The following KCNIP1 variants were observed in gnomAD, a reference collection of about 807,000 sequenced individuals.
KCNIP1 encodes potassium voltage-gated channel interacting protein 1.
A neutral mutation model predicts 33.0 loss-of-function variants in KCNIP1; 18 were observed. That is an observed-to-expected ratio of 0.55 (90% CI 0.38 to 0.81). KCNIP1 has a LOEUF of 0.81. KCNIP1 is among the 30% of genes least tolerant of loss of function. KCNIP1 has a pLI of 0.00. For synonymous variants in KCNIP1, 93 were observed against 98.3 expected (o/e 0.95, Z 0.32); for missense variants, 238 against 271.6 (o/e 0.88, Z 0.87).
chr5:170,481,303 G>T (rs1199539641), intron 1 of KCNIP1, among the ~76,000 whole-genome samples: 5 of 152,154 alleles, frequency 3.3e-5, no homozygotes, highest in Non-Finnish European at 7.3e-5. Flanking sequence ...CTTCCAAAGA[G>T]CCCCTGTTTC....
chr5:170,709,444 G>A (rs1763371056), intron 1 of KCNIP1, among the ~76,000 whole-genome samples: 1 of 152,180 alleles, frequency 6.6e-6, no homozygotes, highest in Non-Finnish European at 1.5e-5. Context: ...TTTAGCTGAT[G>A]TAAACATAGC....
intron 1 of KCNIP1, among the ~76,000 whole-genome samples, chr5:170,548,851 G>A (rs532076861): frequency 3.3e-4 from 50 of 152,238 alleles, no homozygotes; most frequent in African/African-American, 1.1e-3. Flanking sequence ...TTATTTAAAG[G>A]CAGTGGACCT....
intron 1 of KCNIP1, among the ~76,000 whole-genome samples, chr5:170,629,491 G>A (rs1257987856): frequency 6.6e-6 from 1 of 152,360 alleles, no homozygotes; most frequent in East Asian, 1.9e-4. Flanking sequence ...CAGAAGCAGA[G>A]AGGAGGGGTC....
At chr5:170,580,369 G>C (rs1757746223) in intron 1 of KCNIP1, among the ~76,000 whole-genome samples, 1 of 152,150 alleles carries the variant, frequency 6.6e-6, no homozygotes, top group South Asian at 2.1e-4. Context: ...ACATGTCTTA[G>C]CCAACTTCAT....
chr5:170,674,771 A>G (rs574019226), intron 1 of KCNIP1, among the ~76,000 whole-genome samples: 1 of 152,268 alleles, frequency 6.6e-6, no homozygotes, highest in Admixed American at 6.5e-5. Context: ...AAAACCAGGA[A>G]GCTTCTCTCC....
chr5:170,394,892 T>A (rs1407966882), intron 1 of KCNIP1, among the ~76,000 whole-genome samples: 1 of 152,242 alleles, frequency 6.6e-6, no homozygotes, highest in Non-Finnish European at 1.5e-5. Flanking sequence ...CATAATGGCC[T>A]CCAGCTGTAT....
intron 1 of KCNIP1, among the ~76,000 whole-genome samples, chr5:170,637,504 C>T (rs568766677): frequency 6.6e-6 from 1 of 152,302 alleles, no homozygotes; most frequent in Non-Finnish European, 1.5e-5. Context: ...CACTCCCACC[C>T]ACACCTCAGC....
chr5:170,656,996 C>CTTTT (rs397999901), intron 1 of KCNIP1, among the ~76,000 whole-genome samples: 24 of 109,728 alleles, frequency 2.2e-4, no homozygotes, highest in East Asian at 7.7e-4. Context: ...TTCTTTCTTT[C>CTTTT]TTTTTTTTTT....
intron 1 of KCNIP1, among the ~76,000 whole-genome samples, chr5:170,498,930 C>T (rs955005698): frequency 1.3e-5 from 2 of 152,092 alleles, no homozygotes; most frequent in Non-Finnish European, 1.5e-5. Flanking sequence ...AATGATGACA[C>T]CCTTTCCCCT....
intron 1 of KCNIP1, among the ~76,000 whole-genome samples, chr5:170,355,954 A>T (rs1763335545): frequency 6.6e-6 from 1 of 152,186 alleles, no homozygotes; most frequent in South Asian, 2.1e-4. Flanking sequence ...GAGAGGACCA[A>T]GTGTTTACAC....
At chr5:170,477,702 A>C (rs535393169) in intron 1 of KCNIP1, among the ~76,000 whole-genome samples, 1 of 152,282 alleles carries the variant, frequency 6.6e-6, no homozygotes, top group South Asian at 2.1e-4. Context: ...TCGGCCTCCC[A>C]AAGTGCTGGG....
chr5:170,437,295 G>A (rs941821362), intron 1 of KCNIP1, among the ~76,000 whole-genome samples: 1 of 152,172 alleles, frequency 6.6e-6, no homozygotes, highest in Non-Finnish European at 1.5e-5. Flanking sequence ...CAGGGGAGAA[G>A]GGCAGGAGAA....
chr5:170,734,107 G>A (rs1305487731), intron 7 of KCNIP1, among the ~76,000 whole-genome samples: 1 of 152,128 alleles, frequency 6.6e-6, no homozygotes, highest in Admixed American at 6.5e-5. Context: ...AGACTGAACA[G>A]AGAGCCTAAG....
intron 1 of KCNIP1, among the ~76,000 whole-genome samples, chr5:170,354,868 A>AAGG (rs1343687759): frequency 2.6e-5 from 4 of 152,228 alleles, no homozygotes; most frequent in Non-Finnish European, 5.9e-5. Context: ...AAACGTCTTT[A>AAGG]AATATTCATG....
chr5:170,429,832 C>T (rs1338447758), intron 1 of KCNIP1, among the ~76,000 whole-genome samples: 1 of 152,202 alleles, frequency 6.6e-6, no homozygotes, highest in Non-Finnish European at 1.5e-5. Context: ...ACATACACCC[C>T]CTTTGTATTT....
chr5:170,575,317 TTA>T (rs1757560583), intron 1 of KCNIP1, among the ~76,000 whole-genome samples: 1 of 152,204 alleles, frequency 6.6e-6, no homozygotes, highest in Non-Finnish European at 1.5e-5. Context: ...AAGTCAACAC[TTA>T]CTGAAAATGT....
intron 1 of KCNIP1, among the ~76,000 whole-genome samples, chr5:170,528,634 C>T (rs539670830): frequency 1.3e-5 from 2 of 152,244 alleles, no homozygotes; most frequent in Non-Finnish European, 2.9e-5. Flanking sequence ...TGTGGGATGT[C>T]AGACTTAATA....
Position 170,504,169 on chromosome 5 carries a change from G to A in KCNIP1, c.-404G>A. ...GCGCAGGGAGGGGAGCCGAGTGTGC[G>A]GCAGGAGGGGCGGGCGGACGGCGGC... On this transcript the variant is annotated 5_prime_UTR_variant, in exon 1 of 8. Coordinates refer to ENST00000328939, the MANE Select transcript of KCNIP1 (RefSeq NM_014592.4). This position sits in a 1 kb window ranked among gnomAD's most constrained non-coding sequence, Gnocchi z 6.0. The A allele has an allele frequency of 9.9e-7, 1 of 1,008,100 alleles. No homozygotes were observed. Among genetic ancestry groups the A allele is most frequent in the South Asian group, 4.6e-5 (1 of 21,578 alleles). 62.4% of individuals were successfully genotyped at this position (1,008,100 alleles called of 1,614,324 possible).
rs994135191 is a variant in KCNIP1 at position 170,718,744 on chromosome 5, T to TC, written c.62-12dup. ...CAAGCTCAACCATTCCAATGCCATC[T>TC]CCTCTGGTTCCAGATAAGATTGAAG... On this transcript the variant is annotated splice_polypyrimidine_tract_variant and intron_variant, in intron 1 of 7. Coordinates refer to ENST00000328939, the MANE Select transcript of KCNIP1 (RefSeq NM_014592.4). 6.2e-7 allele frequency: 1 copy of TC among 1,613,428 alleles called. No individual in the cohort carries two copies.
Sources: gnomAD v4.1 joint callset for allele counts (sites outside exome capture counted in the v4.1 genomes callset) on GRCh38, gnomAD v4.1.1 for gene constraint, Gnocchi (gnomAD v3.1) non-coding constraint, MANE v1.5 for transcripts, NCBI Gene and HGNC (gene_info 2026-07-23, HGNC 2026-07-21) for gene names.